The following POMGNT2 variants were observed in gnomAD, a reference collection of about 807,000 sequenced individuals.
The protein encoded by POMGNT2 is protein O-linked mannose N-acetylglucosaminyltransferase 2 (beta 1,4-).
In POMGNT2, 32 loss-of-function variants were observed where a neutral mutation model predicts 37.8. The observed-to-expected ratio is 0.85, with a 90% CI of 0.64 to 1.14. The LOEUF (loss-of-function observed/expected upper bound fraction) is 1.14. Among genes scored for constraint, POMGNT2 ranks in the 50% most tolerant of loss-of-function variants. POMGNT2 has a pLI of 0.00. For synonymous variants in POMGNT2, 340 were observed against 336.8 expected (o/e 1.01, Z -0.10); for missense variants, 705 against 780.6 (o/e 0.90, Z 1.15).
Position 43,085,081 on chromosome 3 carries a change from G to C in POMGNT2, c.-105-3545C>G, listed in dbSNP as rs78882198. Among the ~76,000 whole-genome samples, 467 of 152,158 alleles carry C rather than the reference G, an allele frequency of 3.1e-3. 3 individuals are homozygous for C. Among genetic ancestry groups the C allele is most frequent in the African/African-American group, 0.011 (451 of 41,496 alleles). ...CCACCAATACCATCGTGGCTGGGAG[G>C]GGGAGGGATACTCAGCACAGAGTGT... On this transcript the variant is annotated intron_variant, in intron 1 of 1. Coordinates refer to ENST00000344697, the MANE Select transcript of POMGNT2 (RefSeq NM_032806.6).
Position 43,081,392 on chromosome 3 carries a change from C to T in POMGNT2, c.40G>A (p.Val14Met). The change falls in exon 2 of 2, where the codon GTG (valine) becomes ATG (methionine). Residue 14 changes from valine to methionine, a missense_variant. Transcript: ENST00000344697. ...SAVFNALLVSVLAAVLWKHVR... is the reference protein window; with the variant it reads ...SAVFNALLVSMLAAVLWKHVR... ...TGCTTCCACAGGACCGCTGCCAGCACCGACACCAGGAGGGCGTTGAACACC... is the reference window on the plus strand; with the variant it reads ...TGCTTCCACAGGACCGCTGCCAGCATCGACACCAGGAGGGCGTTGAACACC... The T allele has an allele frequency of 1.2e-6, 2 of 1,600,880 alleles. No homozygotes were observed. The highest frequency in any genetic ancestry group is 1.3e-5 in the African/African-American group (1 of 74,898).
intron 1 of POMGNT2, among the ~76,000 whole-genome samples, chr3:43,096,348 C>T (rs928370367): frequency 6.6e-6 from 1 of 152,190 alleles, no homozygotes; most frequent in Non-Finnish European, 1.5e-5. Flanking sequence ...AAATCACCAG[C>T]CTCTAACACT....
At position 43,105,825 on chromosome 3, in the gene POMGNT2, G is replaced by C. The variant is rs529648165; in HGVS notation, c.-106+11C>G. ...GAGTCCGCTCCAGCCCCAAGCGCGC[G>C]CGCGTCTTACCTGAAGCCTGGACTC... On this transcript the variant is annotated intron_variant, in intron 1 of 1. Transcript: ENST00000344697. 1 of 151,858 alleles carries C rather than the reference G, an allele frequency of 6.6e-6. No individual in the cohort carries two copies. Among genetic ancestry groups the C allele is most frequent in the African/African-American group, 2.4e-5 (1 of 41,328 alleles). The allele number at this position is 151,858 out of a possible 1,614,324, so 9.4% of individuals were successfully genotyped here.
intron 1 of POMGNT2, among the ~76,000 whole-genome samples, chr3:43,097,490 G>A (rs1002386671): frequency 2.0e-5 from 3 of 152,056 alleles, no homozygotes; most frequent in African/African-American, 7.2e-5. Flanking sequence ...GAGGAGAGGG[G>A]CAGGTGAGCA....
At chr3:43,081,584 G>C (rs557971187) in intron 1 of POMGNT2, 48 bp from the exon 2 acceptor site, 1 of 699,982 alleles carries the variant, frequency 1.4e-6, no homozygotes, top group Non-Finnish European at 2.3e-6. Context: ...AGTCTTCCTG[G>C]CATCATTACA....
At chr3:43,084,517 C>T (rs1186533452) in intron 1 of POMGNT2, among the ~76,000 whole-genome samples, 23 of 152,118 alleles carry the variant, frequency 1.5e-4, no homozygotes, top group Admixed American at 4.6e-4. Flanking sequence ...TGGTGGCGGG[C>T]GCCTGTAGTC....
In POMGNT2 at chr3:43,081,021, A is replaced by C; in HGVS notation, c.411T>G (p.Ala137=). 1 of 1,614,246 alleles carries C rather than the reference A, an allele frequency of 6.2e-7. No homozygotes were observed. Residue 137 remains alanine, a synonymous_variant, in exon 2 of 2, where the codon GCT becomes GCG. Coordinates refer to ENST00000344697, the MANE Select transcript of POMGNT2 (RefSeq NM_032806.6). The part of the protein sequence containing the change: ...TQYFNFVELP[A]AALRFMPKPV... ...GCTTGGGCATGAAGCGCAGGGCAGC[A>C]GCAGGCAGCTCCACGAAGTTGAAGT... is the stretch of plus-strand genomic sequence containing the variant.
At chr3:43,084,648 CAAAAA>C (rs58875803) in intron 1 of POMGNT2, among the ~76,000 whole-genome samples, 1 of 117,156 alleles carries the variant, frequency 8.5e-6, no homozygotes, top group Admixed American at 8.8e-5. Context: ...GACTCCGTCT[CAAAAA>C]AAAAAAAAAA....
chr3:43,079,374 C>A lies in POMGNT2; in HGVS notation c.*315G>T. 1 of 325,798 alleles carries A rather than the reference C, an allele frequency of 3.1e-6. No homozygotes were observed. The highest frequency in any genetic ancestry group is 4.6e-5 in the Admixed American group (1 of 21,918). 20.2% of individuals were successfully genotyped at this position (325,798 alleles called of 1,614,324 possible). On this transcript the variant is annotated 3_prime_UTR_variant, in exon 2 of 2. Transcript: ENST00000344697. ...TCCAGAAATCTGGATACCAGAAAAA[C>A]TCAGTAGGAAACATCAGGATCACCT...
intron 1 of POMGNT2, among the ~76,000 whole-genome samples, chr3:43,086,112 CT>C (rs1371942917): frequency 6.6e-6 from 1 of 151,990 alleles, no homozygotes; most frequent in Admixed American, 6.5e-5. Flanking sequence ...TGGCATCCTG[CT>C]TTTTTTTAAC....
chr3:43,094,289 TCAC>T (rs2089963858), intron 1 of POMGNT2, among the ~76,000 whole-genome samples: 1 of 152,172 alleles, frequency 6.6e-6, no homozygotes, highest in Non-Finnish European at 1.5e-5. Flanking sequence ...CCTTTCCCCA[TCAC>T]CACATCGAAA....
intron 1 of POMGNT2, among the ~76,000 whole-genome samples, chr3:43,092,698 C>G (rs1394231733): frequency 2.0e-5 from 3 of 152,180 alleles, no homozygotes; most frequent in Non-Finnish European, 4.4e-5. Context: ...CAGAACCCGA[C>G]AGGGGGATAC....
chr3:43,103,157 C>T (rs537110171), intron 1 of POMGNT2, among the ~76,000 whole-genome samples: 1 of 152,198 alleles, frequency 6.6e-6, no homozygotes, highest in South Asian at 2.1e-4. Context: ...CTACAAGAAC[C>T]CTTAGAAATG....
At chr3:43,090,109 T>C (rs1475402338) in intron 1 of POMGNT2, among the ~76,000 whole-genome samples, 12 of 152,098 alleles carry the variant, frequency 7.9e-5, no homozygotes, top group Admixed American at 7.9e-4. Flanking sequence ...AACTCAGTGT[T>C]TCCTCAGTCT....
Position 43,080,523 on chromosome 3 carries a change from C to A in POMGNT2, c.909G>T (p.Glu303Asp). 1.2e-6 allele frequency: 2 copies of A among 1,614,244 alleles called. No individual in the cohort carries two copies. Among genetic ancestry groups the A allele is most frequent in the South Asian group, 2.2e-5 (2 of 91,090 alleles). The change falls in exon 2 of 2, where the codon GAG (glutamate) becomes GAT (aspartate). Residue 303 changes from glutamate to aspartate, a missense_variant. By Grantham distance (45) the Glu-to-Asp change is conservative. Transcript: ENST00000344697. ...SRTQNRLILNEAELLLALAQE... is the reference protein window; with the variant it reads ...SRTQNRLILNDAELLLALAQE... ...GGGCCAGTGCCAGCAGCAGCTCTGC[C>A]TCATTCAGAATGAGTCTGTTCTGGG...
chr3:43,103,644 G>C (rs1035846112), intron 1 of POMGNT2, among the ~76,000 whole-genome samples: 2 of 152,162 alleles, frequency 1.3e-5, no homozygotes, highest in Non-Finnish European at 2.9e-5. Context: ...CTTGGTGCGG[G>C]AAGACTCCCT....
intron 1 of POMGNT2, among the ~76,000 whole-genome samples, chr3:43,103,895 T>C (rs994312487): frequency 6.6e-6 from 1 of 152,210 alleles, no homozygotes; most frequent in Non-Finnish European, 1.5e-5. Flanking sequence ...CAGGGTAGTT[T>C]TGTGAATTCA....
intron 1 of POMGNT2, among the ~76,000 whole-genome samples, chr3:43,081,884 T>C (rs1245928028): frequency 6.6e-6 from 1 of 152,238 alleles, no homozygotes; most frequent in Non-Finnish European, 1.5e-5. Context: ...ATAAGAAGAA[T>C]GTATTCAGGC....
intron 1 of POMGNT2, among the ~76,000 whole-genome samples, chr3:43,084,374 G>A (rs969432012): frequency 1.2e-4 from 19 of 152,020 alleles, no homozygotes; most frequent in African/African-American, 3.9e-4. Flanking sequence ...GGCCAGGGGC[G>A]GTGGTTCACA....
Sources: gnomAD v4.1 joint callset for allele counts (sites outside exome capture counted in the v4.1 genomes callset) on GRCh38, gnomAD v4.1.1 for gene constraint, MANE v1.5 for transcripts, NCBI Gene and HGNC (gene_info 2026-07-23, HGNC 2026-07-21) for gene names.